The following PSD3 variants were observed in gnomAD, a reference collection of about 807,000 sequenced individuals.
PSD3 encodes PH and SEC7 domain-containing protein 3.
A neutral mutation model predicts 105.5 loss-of-function variants in PSD3; 49 were observed. That is an observed-to-expected ratio of 0.46 (90% CI 0.37 to 0.59). The LOEUF is 0.59. Among genes scored for constraint, PSD3 ranks in the 20% least tolerant of loss-of-function variants. The pLI is 0.00. For synonymous variants in PSD3, 557 were observed against 457.8 expected (o/e 1.22, Z -2.77); for missense variants, 1,561 against 1,263.8 (o/e 1.24, Z -3.57).
At chr8:19,044,678 G>A (rs575392057) in intron 1 of PSD3, among the ~76,000 whole-genome samples, 2 of 152,206 alleles carry the variant, frequency 1.3e-5, no homozygotes, top group South Asian at 2.1e-4. Context: ...TGAGAACAAC[G>A]ACATACAAAT....
intron 9 of PSD3, among the ~76,000 whole-genome samples, chr8:18,709,752 A>G (rs992847839): frequency 5.9e-5 from 9 of 152,208 alleles, no homozygotes; most frequent in Admixed American, 4.6e-4. Context: ...CAGCAGCCCT[A>G]TGGAAGAGGG....
intron 9 of PSD3, among the ~76,000 whole-genome samples, chr8:18,719,860 T>G (rs1802839230): frequency 6.6e-6 from 1 of 152,214 alleles, no homozygotes; most frequent in African/African-American, 2.4e-5. Context: ...TTTTGCTTTG[T>G]CAAAGATTTT....
intron 2 of PSD3, among the ~76,000 whole-genome samples, chr8:18,931,856 G>A (rs2129468596): frequency 1.3e-5 from 2 of 152,268 alleles, no homozygotes; most frequent in East Asian, 3.9e-4. Context: ...GGGGTGATGT[G>A]ACTTTTACGT....
In PSD3 at chr8:19,006,060, C is replaced by T. The variant is rs140756731; in HGVS notation, c.21+7503G>A. Among the ~76,000 whole-genome samples the T allele has an allele frequency of 1.8e-4, 28 of 151,666 alleles. No homozygotes were observed. The East Asian group carries it at 2.5e-3, about 14-fold the overall frequency. ...GGTGGCTCCCAGCACTCTGGGAGGCCGAGGCAGGCGAATCATGACGTCAAG... is the reference window on the plus strand; with the variant it reads ...GGTGGCTCCCAGCACTCTGGGAGGCTGAGGCAGGCGAATCATGACGTCAAG... On this transcript the variant is annotated intron_variant, in intron 1 of 15. Coordinates refer to ENST00000327040, the MANE Select transcript of PSD3 (RefSeq NM_015310.4).
chr8:19,018,738 G>C (rs78613067), intron 1 of PSD3, among the ~76,000 whole-genome samples: 2 of 152,210 alleles, frequency 1.3e-5, no homozygotes, highest in South Asian at 4.1e-4. Flanking sequence ...CTTGAATCAA[G>C]TGTGTCTGAA....
intron 10 of PSD3, among the ~76,000 whole-genome samples, chr8:18,635,334 A>T (rs1807174362): frequency 6.6e-6 from 1 of 152,092 alleles, no homozygotes; most frequent in African/African-American, 2.4e-5. Flanking sequence ...AGGTGTGCTC[A>T]TTGCTTTGGG....
chr8:18,648,435 G>A (rs923563077), intron 10 of PSD3, among the ~76,000 whole-genome samples: 2 of 152,226 alleles, frequency 1.3e-5, no homozygotes, highest in African/African-American at 4.8e-5. Context: ...TTTTGAACTT[G>A]AGAGTGATGA....
intron 1 of PSD3, among the ~76,000 whole-genome samples, chr8:18,957,916 C>T (rs1823678071): frequency 2.6e-5 from 4 of 152,144 alleles, no homozygotes; most frequent in South Asian, 4.1e-4. Flanking sequence ...TGCCACAGCA[C>T]GCTCATACAC....
At chr8:18,644,320 G>A (rs1339410122) in intron 10 of PSD3, among the ~76,000 whole-genome samples, 4 of 152,154 alleles carry the variant, frequency 2.6e-5, no homozygotes, top group African/African-American at 9.7e-5. Flanking sequence ...CTTACTGTAT[G>A]TGGTTAAAAG....
At chr8:18,947,307 A>G (rs1329975141) in intron 1 of PSD3, among the ~76,000 whole-genome samples, 2 of 152,226 alleles carry the variant, frequency 1.3e-5, no homozygotes, top group African/African-American at 2.4e-5. Flanking sequence ...AGACGTCGGC[A>G]AAAAGCAAGC....
rs757964298 is a variant in PSD3 at position 18,655,685 on chromosome 8, C to G, written c.2173G>C (p.Ala725Pro). 6.2e-7 allele frequency: 1 copy of G among 1,613,152 alleles called. No homozygotes were observed. The highest frequency in any genetic ancestry group is 8.5e-7 in the Non-Finnish European group (1 of 1,179,256). Residue 725 changes from alanine (A) to proline (P), a missense_variant and splice_region_variant, in exon 10 of 16, where the codon GCT becomes CCT. Coordinates refer to ENST00000327040, the MANE Select transcript of PSD3 (RefSeq NM_015310.4). The part of the protein sequence containing the change: ...GVDFSKDLLK[A>P]LYNSIKNEKL... ...TCATTCTTGATTGAGTTGTACAGAG[C>G]CTGTAAAGAGAGAAAATGAGATCAC... is the stretch of plus-strand genomic sequence containing the variant.
intron 2 of PSD3, among the ~76,000 whole-genome samples, chr8:18,934,434 G>T (rs549331942): frequency 5.7e-4 from 87 of 151,716 alleles, no homozygotes; most frequent in African/African-American, 2.1e-3. Flanking sequence ...TTTTTGAGAC[G>T]GAGTCTCGCT....
At chr8:18,965,607 G>A (rs1051900207) in intron 1 of PSD3, among the ~76,000 whole-genome samples, 2 of 152,218 alleles carry the variant, frequency 1.3e-5, no homozygotes, top group African/African-American at 4.8e-5. Context: ...TGAAAAAGCT[G>A]AGTCCCCACA....
At chr8:19,032,399 T>G (rs902444969) in intron 1 of PSD3, among the ~76,000 whole-genome samples, 1 of 152,028 alleles carries the variant, frequency 6.6e-6, no homozygotes, top group South Asian at 2.1e-4. Context: ...TCCCAGCACT[T>G]TGGGAGGCCA....
intron 1 of PSD3, among the ~76,000 whole-genome samples, chr8:19,050,955 C>T (rs1828507460): frequency 6.6e-6 from 1 of 152,126 alleles, no homozygotes; most frequent in Admixed American, 6.5e-5. Context: ...GAAACAGAGC[C>T]TCAGAAAGGA....
At position 18,872,625 on chromosome 8, in the gene PSD3, T is replaced by C. The variant is rs375703645; in HGVS notation, c.239A>G (p.Asp80Gly). 4 of 1,613,872 alleles carry C rather than the reference T, an allele frequency of 2.5e-6. No individual in the cohort carries two copies. The highest frequency in any genetic ancestry group is 3.4e-6 in the Non-Finnish European group (4 of 1,179,992). The stretch of plus-strand genomic sequence containing the variant: ...TGGGTGGCATGGCAGAGCCTCACCA[T>C]CAAATTCCAGAGAAGCCCTTAGGCC... ...GEGLRASLEF[D>G]GEALPCHPQE... Residue 80 changes from aspartate (D) to glycine (G), a missense_variant, in exon 3 of 16, where the codon GAT becomes GGT. Asp to Gly is a moderately conservative substitution (Grantham distance 94). Coordinates refer to ENST00000327040, the MANE Select transcript of PSD3 (RefSeq NM_015310.4).
intron 15 of PSD3, among the ~76,000 whole-genome samples, chr8:18,540,198 G>A (rs1800081793): frequency 6.6e-6 from 1 of 152,178 alleles, no homozygotes; most frequent in African/African-American, 2.4e-5. Context: ...ATAGAAGGTG[G>A]TAGGCAATAA....
At chr8:18,671,896 G>A (rs751510435) in intron 9 of PSD3, among the ~76,000 whole-genome samples, 1 of 152,148 alleles carries the variant, frequency 6.6e-6, no homozygotes, top group South Asian at 2.1e-4. Flanking sequence ...CTCCCAAAGT[G>A]CTGGAATTAC....
chr8:18,665,253 G>T (rs1357675080), intron 9 of PSD3, among the ~76,000 whole-genome samples: 1 of 152,254 alleles, frequency 6.6e-6, no homozygotes, highest in African/African-American at 2.4e-5. Context: ...AAGAACATCT[G>T]TGATTCATGG....
Sources: gnomAD v4.1 joint callset for allele counts (sites outside exome capture counted in the v4.1 genomes callset) on GRCh38, gnomAD v4.1.1 for gene constraint, MANE v1.5 for transcripts, NCBI Gene and HGNC (gene_info 2026-07-23, HGNC 2026-07-21) for gene names.